CSMD3: variants seen among roughly 807,000 people sequenced by gnomAD.
CSMD3 encodes the protein CUB and sushi domain-containing protein 3.
CSMD3 carries 177 observed loss-of-function variants against 435.2 expected under a neutral mutation model. The ratio of observed to expected loss-of-function variants is 0.41; its 90% CI spans 0.36 to 0.46. CSMD3 has a LOEUF of 0.46. CSMD3 is among the 20% of genes least tolerant of loss of function. CSMD3 has a pLI of 0.34. For missense variants in CSMD3, 4,265 were observed against 4,504.6 expected, an observed-to-expected ratio of 0.95 and a Z score of 1.52; for synonymous variants, 1,656 against 1,520.5, an observed-to-expected ratio of 1.09 and a Z score of -2.07.
At chr8:112,298,066 C>CA (rs35232021) in intron 53 of CSMD3, among the ~76,000 whole-genome samples, 1,136 of 93,138 alleles carry the variant, frequency 0.012, 11 homozygotes, top group South Asian at 0.041. Context: ...TGCCATTGCA[C>CA]AAAAAAAAAA....
At chr8:113,356,081 T>C (rs1248944628) in intron 1 of CSMD3, among the ~76,000 whole-genome samples, 2 of 151,974 alleles carry the variant, frequency 1.3e-5, no homozygotes, top group Non-Finnish European at 2.9e-5. Flanking sequence ...CTCCCATGCA[T>C]GGTCCAATAC....
intron 5 of CSMD3, among the ~76,000 whole-genome samples, chr8:113,041,290 C>G (rs539575696): frequency 6.6e-6 from 1 of 151,548 alleles, no homozygotes; most frequent in Non-Finnish European, 1.5e-5. Flanking sequence ...CTACCTTGTA[C>G]CCCTCTGTAC....
chr8:112,243,008 A>T (rs1814313718), intron 65 of CSMD3, among the ~76,000 whole-genome samples: 2 of 152,082 alleles, frequency 1.3e-5, no homozygotes, highest in East Asian at 3.9e-4. Flanking sequence ...TAGAATTAGG[A>T]GGGAGTAAAA....
chr8:112,640,440 G>T (rs1198916422), intron 20 of CSMD3, among the ~76,000 whole-genome samples: 1 of 151,866 alleles, frequency 6.6e-6, no homozygotes, highest in East Asian at 1.9e-4. Flanking sequence ...AAAAAAAGGG[G>T]ACAGAAAATG....
intron 2 of CSMD3, among the ~76,000 whole-genome samples, chr8:113,280,822 T>G (rs2093607956): frequency 6.6e-6 from 1 of 151,936 alleles, no homozygotes; most frequent in African/African-American, 2.4e-5. Flanking sequence ...AGCAATGCCT[T>G]TGCTGTATCA....
At chr8:112,299,639 T>A (rs1454402389) in intron 53 of CSMD3, among the ~76,000 whole-genome samples, 1 of 152,092 alleles carries the variant, frequency 6.6e-6, no homozygotes, top group Non-Finnish European at 1.5e-5. Flanking sequence ...CAGGAATAAA[T>A]GCACCATACT....
chr8:113,022,199 T>C (rs1037931669), intron 5 of CSMD3, among the ~76,000 whole-genome samples: 3 of 152,150 alleles, frequency 2.0e-5, no homozygotes, highest in Admixed American at 6.5e-5. Flanking sequence ...AAAGATTCCA[T>C]TAAACTACTT....
intron 9 of CSMD3, among the ~76,000 whole-genome samples, chr8:112,923,428 A>G (rs1008636108): frequency 1.6e-4 from 24 of 152,072 alleles, no homozygotes; most frequent in African/African-American, 5.6e-4. Flanking sequence ...TCTGTTCTTT[A>G]GATTTATCGA....
intron 51 of CSMD3, 127 bp from the exon 52 acceptor site, chr8:112,305,042 C>G (rs1323514869): frequency 1.4e-6 from 1 of 737,346 alleles, no homozygotes; most frequent in Non-Finnish European, 2.4e-6. Flanking sequence ...AGCATTTGTT[C>G]TTTATTTCTT....
At chr8:113,353,315 T>C (rs75767095) in intron 1 of CSMD3, among the ~76,000 whole-genome samples, 13 of 152,048 alleles carry the variant, frequency 8.5e-5, no homozygotes, top group African/African-American at 2.7e-4. Flanking sequence ...CATATTTTTT[T>C]AAAAAATTTT....
At chr8:112,384,274 G>A (rs140609490) in intron 36 of CSMD3, among the ~76,000 whole-genome samples, 112 of 152,224 alleles carry the variant, frequency 7.4e-4, no homozygotes, top group African/African-American at 2.6e-3. Context: ...TAATTCAAAT[G>A]AATTTTTAAA....
At chr8:112,356,045 A>C (rs201155799) in intron 38 of CSMD3, among the ~76,000 whole-genome samples, 2 of 152,140 alleles carry the variant, frequency 1.3e-5, no homozygotes, top group African/African-American at 4.8e-5. Context: ...AGATGGTGGC[A>C]AGGCTGCAGA....
At chr8:113,225,069 G>T (rs1435771452) in intron 3 of CSMD3, among the ~76,000 whole-genome samples, 1 of 151,300 alleles carries the variant, frequency 6.6e-6, no homozygotes, top group African/African-American at 2.4e-5. Context: ...TATTTCAGAG[G>T]TCCTGCCCAT....
intron 16 of CSMD3, among the ~76,000 whole-genome samples, chr8:112,668,363 C>G: frequency 6.6e-6 from 1 of 152,056 alleles, no homozygotes. Flanking sequence ...TGACATAAAT[C>G]TTTATTATGT....
chr8:112,559,488 G>C (rs939203879), intron 24 of CSMD3, among the ~76,000 whole-genome samples: 25 of 151,878 alleles, frequency 1.6e-4, no homozygotes, highest in African/African-American at 6.0e-4. Flanking sequence ...TTTTTCATTA[G>C]GTATTCATGG....
chr8:113,091,880 T>C (rs544618778), intron 5 of CSMD3, among the ~76,000 whole-genome samples: 25 of 152,148 alleles, frequency 1.6e-4, no homozygotes, highest in Admixed American at 4.6e-4. Context: ...GGTGTTTTAT[T>C]TGAAGTTTTT....
chr8:113,217,326 T>C (rs1405246079), intron 3 of CSMD3, among the ~76,000 whole-genome samples: 2 of 151,110 alleles, frequency 1.3e-5, no homozygotes, highest in Non-Finnish European at 3.0e-5. Context: ...AACCTTGACA[T>C]ACAAAGAAGC....
chr8:113,240,322 G>A (rs2132238986), intron 3 of CSMD3, among the ~76,000 whole-genome samples: 1 of 152,202 alleles, frequency 6.6e-6, no homozygotes, highest in South Asian at 2.1e-4. Context: ...GAACATACAT[G>A]TGCATGTATC....
chr8:113,422,250 T>G (rs1403822823), intron 1 of CSMD3, among the ~76,000 whole-genome samples: 1 of 152,156 alleles, frequency 6.6e-6, no homozygotes, highest in Non-Finnish European at 1.5e-5. Context: ...AATCTCTTTA[T>G]TGACAGTCAT....
Sources: allele counts gnomAD v4.1 joint callset (sites outside exome capture counted in the v4.1 genomes callset), GRCh38; gene constraint gnomAD v4.1.1; transcripts MANE v1.5; gene names NCBI Gene and HGNC (gene_info 2026-07-23, HGNC 2026-07-21).